Variants in FAM184A observed in about 807,000 individuals in gnomAD.
FAM184A encodes the protein protein FAM184A.
A neutral mutation model predicts 143.8 loss-of-function variants in FAM184A; 99 were observed. The ratio of observed to expected loss-of-function variants is 0.69; its 90% CI spans 0.58 to 0.81. The LOEUF (loss-of-function observed/expected upper bound fraction) is 0.81, where lower values mean the gene tolerates loss of function less well. FAM184A is among the 40% of genes least tolerant of loss of function. The probability of loss-of-function intolerance (pLI) is 0.00; values close to 1 mark genes in which losing one functional copy is unlikely to be tolerated. For synonymous variants in FAM184A, 427 were observed against 446.4 expected (o/e 0.96, Z 0.55); for missense variants, 1,217 against 1,310.5 (o/e 0.93, Z 1.10).
chr6:119,142,172 C>T (rs1156316609), intron 1 of FAM184A, among the ~76,000 whole-genome samples: 1 of 152,144 alleles, frequency 6.6e-6, no homozygotes, highest in African/African-American at 2.4e-5. Flanking sequence ...ATGCAGGACT[C>T]GGGCGAACAT....
At chr6:119,011,478 T>C (rs774781561) in intron 5 of FAM184A, 47 bp from the exon 6 acceptor site, 5 of 1,204,846 alleles carry the variant, frequency 4.1e-6, no homozygotes, top group African/African-American at 1.6e-5. Context: ...GCAAGTATTA[T>C]ATACTTTGAA....
chr6:119,138,689 C>T (rs1410495716), intron 1 of FAM184A, among the ~76,000 whole-genome samples: 12 of 151,946 alleles, frequency 7.9e-5, no homozygotes, highest in East Asian at 1.9e-4. Flanking sequence ...TGCAATGGGG[C>T]GATCTTGGCT....
chr6:119,108,020 G>A (rs1788833321), intron 1 of FAM184A, among the ~76,000 whole-genome samples: 1 of 152,058 alleles, frequency 6.6e-6, no homozygotes, highest in African/African-American at 2.4e-5. Flanking sequence ...TGCGTGACTA[G>A]GGTTCTCCAG....
Position 119,024,364 on chromosome 6 carries a change from C to T in FAM184A, c.609G>A (p.Lys203=). The change falls in exon 2 of 18, where the codon AAG becomes AAA. Residue 203 remains lysine (K), a synonymous_variant. Transcript: ENST00000338891. ...AHRREIQELL[K]SQQDHSASVN... ...CTGAGGCACTGTGATCCTGCTGTGA[C>T]TTCAATAGCTCTTGTATCTCCCGTC... 1.2e-6 allele frequency: 2 copies of T among 1,614,192 alleles called. No individual in the cohort carries two copies. The highest frequency in any genetic ancestry group is 1.7e-6 in the Non-Finnish European group (2 of 1,180,042).
At chr6:119,118,901 T>C (rs1789134277) in intron 1 of FAM184A, among the ~76,000 whole-genome samples, 1 of 152,134 alleles carries the variant, frequency 6.6e-6, no homozygotes, top group African/African-American at 2.4e-5. Flanking sequence ...CAGAGCCATA[T>C]TTCTCTTCTT....
Position 119,103,928 on chromosome 6 carries a change from GAAAAAAAAAAAA to G in FAM184A, c.-202+45138_-202+45149del, listed in dbSNP as rs199961401. Among the ~76,000 whole-genome samples, 8 of 72,896 alleles carry G rather than the reference GAAAAAAAAAAAA, an allele frequency of 1.1e-4. 1 individual carries two copies. Among genetic ancestry groups the G allele is most frequent in the African/African-American group, 3.4e-4 (8 of 23,266 alleles). 47.8% of individuals were successfully genotyped at this position (72,896 alleles called of 152,430 possible). On this transcript the variant is annotated intron_variant, in intron 1 of 16. Transcript: ENST00000352896. ...GTGTCAGAGTGAGACTCCGTGTAGA[GAAAAAAAAAAAA>G]AAAAAAAAAGAGGAATGTTCATTCT...
intron 1 of FAM184A, among the ~76,000 whole-genome samples, chr6:119,099,834 T>C (rs1478466853): frequency 6.6e-6 from 1 of 152,108 alleles, no homozygotes; most frequent in Non-Finnish European, 1.5e-5. Context: ...CATCGTATCC[T>C]TTGCAGTCTC....
chr6:119,136,776 G>A (rs1789682743), intron 1 of FAM184A, among the ~76,000 whole-genome samples: 1 of 152,156 alleles, frequency 6.6e-6, no homozygotes, highest in Non-Finnish European at 1.5e-5. Context: ...CTACTGTCTG[G>A]CCTGGTTTGG....
intron 1 of FAM184A, among the ~76,000 whole-genome samples, chr6:119,089,008 A>G (rs968448610): frequency 3.3e-5 from 5 of 151,360 alleles, no homozygotes; most frequent in Admixed American, 2.0e-4. Flanking sequence ...GATCTTGAGT[A>G]TTTCTTATAT....
intron 6 of FAM184A, among the ~76,000 whole-genome samples, chr6:119,010,405 T>A (rs916555002): frequency 4.6e-5 from 7 of 152,180 alleles, no homozygotes; most frequent in Non-Finnish European, 1.0e-4. Flanking sequence ...TGGTCTCAAT[T>A]TTTTTATCAT....
chr6:119,022,574 A>G (rs1785485159), intron 3 of FAM184A, among the ~76,000 whole-genome samples: 1 of 152,158 alleles, frequency 6.6e-6, no homozygotes, highest in Admixed American at 6.5e-5. Context: ...GCTACCTTAA[A>G]TTAACATTTA....
At chr6:118,983,961 C>A (rs1784099073) in intron 9 of FAM184A, among the ~76,000 whole-genome samples, 1 of 150,974 alleles carries the variant, frequency 6.6e-6, no homozygotes, top group Non-Finnish European at 1.5e-5. Flanking sequence ...CCGGCCTGGC[C>A]AACATGATGA....
chr6:119,010,314 C>A (rs976301922), intron 6 of FAM184A, among the ~76,000 whole-genome samples: 20 of 152,086 alleles, frequency 1.3e-4, no homozygotes, highest in Admixed American at 1.3e-4. Context: ...CTGATAAATC[C>A]CTTTCGAGGA....
intron 1 of FAM184A, among the ~76,000 whole-genome samples, chr6:119,132,137 T>C (rs1789549917): frequency 6.6e-6 from 1 of 152,232 alleles, no homozygotes; most frequent in Admixed American, 6.5e-5. Flanking sequence ...CCTTCATTTG[T>C]TTATTTCTGT....
intron 1 of FAM184A, among the ~76,000 whole-genome samples, chr6:119,058,682 C>T (rs1787105977): frequency 6.6e-6 from 1 of 150,554 alleles, no homozygotes; most frequent in Non-Finnish European, 1.5e-5. Context: ...GCCTAAGCTA[C>T]AAGGAGAGAC....
intron 9 of FAM184A, among the ~76,000 whole-genome samples, chr6:118,985,940 T>G (rs185087021): frequency 1.3e-5 from 2 of 152,132 alleles, no homozygotes; most frequent in South Asian, 4.1e-4. Flanking sequence ...ATATTTTAAT[T>G]ATATGATTTA....
In FAM184A at chr6:119,144,409, G is replaced by A. The variant is rs181579871; in HGVS notation, c.-202+4669C>T. On this transcript the variant is annotated intron_variant, in intron 1 of 16. Coordinates refer to the FAM184A transcript ENST00000352896. ...CGTCCTATGGAAGCATTCACAGAAA[G>A]GGGGCTGCCTAAATTGCTCCAGTGG... Among the ~76,000 whole-genome samples the A allele has an allele frequency of 3.7e-4, 57 of 152,062 alleles. 1 individual carries two copies. The highest frequency in any genetic ancestry group is 3.4e-3 in the Middle Eastern group (1 of 294).
At position 119,078,450 on chromosome 6, in the gene FAM184A, GC is replaced by G; in HGVS notation, c.-152del. 1 of 753,796 alleles carries G rather than the reference GC, an allele frequency of 1.3e-6. No individual in the cohort carries two copies. Among genetic ancestry groups the G allele is most frequent in the Non-Finnish European group, 1.9e-6 (1 of 517,890 alleles). The allele number at this position is 753,796 out of a possible 1,614,324, so 46.7% of individuals were successfully genotyped here. ...CTCGGCCGCAGGCGCCGTCCCACCC[GC>G]GACCCCCGGGTCACCCCTGGAAGGG... is the stretch of plus-strand genomic sequence containing the variant. On this transcript the variant is annotated 5_prime_UTR_variant, in exon 1 of 18. Transcript: ENST00000338891. This position sits in a 1 kb window ranked among gnomAD's most constrained non-coding sequence, Gnocchi z 5.5.
intron 8 of FAM184A, 80 bp downstream of exon 8, chr6:119,003,418 TAAC>T: frequency 7.5e-7 from 1 of 1,328,402 alleles, no homozygotes; most frequent in South Asian, 1.6e-5. Context: ...ACTATGTCTT[TAAC>T]AATAGGATAA....
Sources: gnomAD v4.1 joint callset for allele counts (sites outside exome capture counted in the v4.1 genomes callset) on GRCh38, gnomAD v4.1.1 for gene constraint, Gnocchi (gnomAD v3.1) non-coding constraint, MANE v1.5 for transcripts, NCBI Gene and HGNC (gene_info 2026-07-23, HGNC 2026-07-21) for gene names.